Variants in UBAC1 observed in about 807,000 individuals in gnomAD.
UBAC1 encodes the protein UBA domain containing 1.
Under a neutral mutation model 45.9 loss-of-function variants are expected in UBAC1, and 27 were observed. That is an observed-to-expected ratio of 0.59 (90% CI 0.43 to 0.81). UBAC1 has a LOEUF of 0.81. UBAC1 is among the 30% of genes least tolerant of loss of function. The probability of loss-of-function intolerance (pLI) is 0.00; values close to 1 mark genes in which losing one functional copy is unlikely to be tolerated. For synonymous variants in UBAC1, 227 were observed against 215.5 expected (o/e 1.05, Z -0.47); for missense variants, 529 against 539.2 (o/e 0.98, Z 0.19).
Position 135,953,694 on chromosome 9 carries a change from A to G in UBAC1, c.319T>C (p.Ser107Pro), listed in dbSNP as rs777814244. The change falls in exon 3 of 10, where the codon TCA becomes CCA. Residue 107 changes from serine to proline, a missense_variant. Transcript: ENST00000371756. ...PSPLPKMADV[S>P]AEEKKKQDQK... ...TTGAAATTTACCTTTTCTTCTGCTG[A>G]GACATCAGCCATCTTGGGAAGTGGT... The G allele has an allele frequency of 1.9e-6, 3 of 1,613,834 alleles. No homozygotes were observed. Among genetic ancestry groups the G allele is most frequent in the Middle Eastern group, 1.6e-4 (1 of 6,062 alleles).
chr9:135,959,372 G>GT (rs34292104), intron 1 of UBAC1, among the ~76,000 whole-genome samples: 33 of 99,818 alleles, frequency 3.3e-4, no homozygotes, highest in African/African-American at 1.1e-3. Flanking sequence ...TTTTTGTCTG[G>GT]TTTTTTTTTT....
intron 7 of UBAC1, among the ~76,000 whole-genome samples, chr9:135,941,360 C>T (rs1171303576): frequency 1.3e-5 from 2 of 152,106 alleles, no homozygotes; most frequent in East Asian, 1.9e-4. Context: ...GAGCCAAGAT[C>T]GCACCACTGT....
chr9:135,955,983 T>G (rs1228288968), intron 1 of UBAC1, among the ~76,000 whole-genome samples: 1 of 152,108 alleles, frequency 6.6e-6, no homozygotes, highest in Non-Finnish European at 1.5e-5. Context: ...GCATGACTGC[T>G]CTCGGCGTGG....
intron 7 of UBAC1, among the ~76,000 whole-genome samples, chr9:135,943,311 C>T (rs1282216840): frequency 6.6e-6 from 1 of 152,136 alleles, no homozygotes; most frequent in East Asian, 1.9e-4. Flanking sequence ...GTCCCAGCTA[C>T]TCAGGAGGCT....
intron 9 of UBAC1, among the ~76,000 whole-genome samples, chr9:135,934,102 G>A (rs536370944): frequency 7.2e-5 from 11 of 152,198 alleles, no homozygotes; most frequent in South Asian, 2.1e-4. Flanking sequence ...GAAGGAGCAC[G>A]CGTTCTGCCA....
rs557146874 is a variant in UBAC1, at chr9:135,945,245, G to A, written c.659C>T (p.Ser220Leu). The change falls in exon 7 of 10, where the codon TCG becomes TTG. Residue 220 changes from serine (S) to leucine (L), a missense_variant. Coordinates refer to ENST00000371756, the MANE Select transcript of UBAC1 (RefSeq NM_016172.3). ...TAGCCACTCCATGGCCTGAGGCACC[G>A]ACATGCTGCAAGGCAAGAGACTCTT... is the stretch of plus-strand genomic sequence containing the variant. ...ATKALQLNHM[S>L]VPQAMEWLIE... is the part of the protein sequence containing the mutation. The A allele has an allele frequency of 2.4e-5, 38 of 1,581,736 alleles. No homozygotes were observed. In the South Asian group the frequency reaches 3.1e-4, roughly 13 times the overall value.
rs1839533524 is a variant in UBAC1 at position 135,961,239 on chromosome 9, G to A, written c.-77C>T. On this transcript the variant is annotated 5_prime_UTR_variant, in exon 1 of 10. Transcript: ENST00000371756. ...CCGGGAAGGCGGGCGGGGAGGGGGC[G>A]GGGCCAGACCGCCCGCGCGCTCCTT... The A allele has an allele frequency of 4.6e-6, 6 of 1,301,546 alleles. No individual in the cohort carries two copies. Among genetic ancestry groups the A allele is most frequent in the African/African-American group, 1.6e-5 (1 of 63,076 alleles). 80.6% of individuals were successfully genotyped at this position (1,301,546 alleles called of 1,614,324 possible).
At chr9:135,956,993 C>T (rs1448984679) in intron 1 of UBAC1, among the ~76,000 whole-genome samples, 3 of 152,220 alleles carry the variant, frequency 2.0e-5, no homozygotes, top group Admixed American at 6.5e-5. Context: ...GCCGGGCAGA[C>T]GCCCTGCTGG....
intron 3 of UBAC1, among the ~76,000 whole-genome samples, chr9:135,948,807 T>C (rs1409764029): frequency 5.3e-5 from 8 of 152,164 alleles, no homozygotes; most frequent in Non-Finnish European, 1.0e-4. Flanking sequence ...AGGTGACACA[T>C]GCCTGTAATC....
At chr9:135,944,219 G>A (rs986615843) in intron 7 of UBAC1, among the ~76,000 whole-genome samples, 1 of 152,226 alleles carries the variant, frequency 6.6e-6, no homozygotes, top group East Asian at 1.9e-4. Flanking sequence ...GGGTTACACT[G>A]CGGGACATGG....
At chr9:135,933,539 T>A (rs1010565048) in intron 9 of UBAC1, 24 bp from the exon 10 acceptor site, 1 of 1,584,072 alleles carries the variant, frequency 6.3e-7, no homozygotes, top group African/African-American at 1.3e-5. Flanking sequence ...AGAGCCAGCC[T>A]GAGTGCCCAC....
At chr9:135,933,663 C>G in intron 9 of UBAC1, 148 bp from the exon 10 acceptor site, 1 of 634,742 alleles carries the variant, frequency 1.6e-6, no homozygotes, top group Non-Finnish European at 2.8e-6. Flanking sequence ...AGTGTGCACT[C>G]TCAGGCTGAA....
chr9:135,947,702 A>C, intron 4 of UBAC1, 96 bp downstream of exon 4: 2 of 984,784 alleles, frequency 2.0e-6, no homozygotes, highest in South Asian at 3.3e-5. Flanking sequence ...CTCCCAGAGA[A>C]TCTCCTCTTG....
At chr9:135,938,733 G>C (rs2131081623) in intron 8 of UBAC1, among the ~76,000 whole-genome samples, 1 of 152,036 alleles carries the variant, frequency 6.6e-6, no homozygotes, top group East Asian at 1.9e-4. Flanking sequence ...GCAGTCAGCA[G>C]TGCTGGAGCC....
intron 7 of UBAC1, among the ~76,000 whole-genome samples, chr9:135,942,709 T>A (rs1839284356): frequency 6.7e-6 from 1 of 148,894 alleles, no homozygotes; most frequent in East Asian, 2.0e-4. Context: ...AAGAAAGGGA[T>A]ATCCACAAGT....
rs537122757 is a variant in UBAC1, at chr9:135,939,100, G to A, written c.963+573C>T. ...GCCTGTGGTCCCAGCTACTCAGGAGGCTGAGGCAGGAGGATCGCTTGGGCC... is the reference window on the plus strand; with the variant it reads ...GCCTGTGGTCCCAGCTACTCAGGAGACTGAGGCAGGAGGATCGCTTGGGCC... On this transcript the variant is annotated intron_variant, in intron 8 of 9. Coordinates refer to ENST00000371756, the MANE Select transcript of UBAC1 (RefSeq NM_016172.3). 1.5e-4 allele frequency among the ~76,000 whole-genome samples: 23 copies of A among 152,124 alleles called. No homozygotes were observed. In the South Asian group the frequency reaches 4.8e-3, roughly 32 times the overall value.
At chr9:135,939,385 G>C (rs554760600) in intron 8 of UBAC1, among the ~76,000 whole-genome samples, 46 of 152,106 alleles carry the variant, frequency 3.0e-4, no homozygotes, top group Non-Finnish European at 5.3e-4. Context: ...GCAAACACAC[G>C]GCCTCCACCA....
In UBAC1 at chr9:135,947,846, C is replaced by A. The variant is rs780823748; in HGVS notation, c.393G>T (p.Leu131=). Residue 131 remains leucine, a synonymous_variant, in exon 4 of 10, where the codon CTG becomes CTT. Transcript: ENST00000371756. ...KEAILRATAN[L]PSYNMDRAAV... Reference sequence around the variant, plus strand: ...CGGCCCGGTCCATGTTGTAGGAGGGCAGGTTGGCGGTGGCCCGCAGTATGG... The same window carrying A: ...CGGCCCGGTCCATGTTGTAGGAGGGAAGGTTGGCGGTGGCCCGCAGTATGG... The A allele has an allele frequency of 6.2e-7, 1 of 1,614,178 alleles. No individual in the cohort carries two copies.
At chr9:135,939,359 C>T (rs1171095416) in intron 8 of UBAC1, among the ~76,000 whole-genome samples, 1 of 152,174 alleles carries the variant, frequency 6.6e-6, no homozygotes, top group Non-Finnish European at 1.5e-5. Flanking sequence ...ACATAGCCGG[C>T]TGCATGTGAA....
Sources: allele counts gnomAD v4.1 joint callset (sites outside exome capture counted in the v4.1 genomes callset), GRCh38; gene constraint gnomAD v4.1.1; transcripts MANE v1.5; gene names NCBI Gene and HGNC (gene_info 2026-07-23, HGNC 2026-07-21).